CUL4A: variants seen among roughly 807,000 people sequenced by gnomAD.
The protein encoded by CUL4A is cullin-4A.
A neutral mutation model predicts 95.5 loss-of-function variants in CUL4A; 16 were observed. The ratio of observed to expected loss-of-function variants is 0.17; its 90% CI spans 0.11 to 0.25. CUL4A has a LOEUF of 0.25. Ranked by LOEUF, CUL4A falls within the 10% of genes least tolerant of loss-of-function variation. The pLI, the probability that CUL4A is intolerant of heterozygous loss-of-function variation, is 1.00. For missense variants in CUL4A, 610 were observed against 937.0 expected (o/e 0.65, Z 4.56); for synonymous variants, 380 against 353.1 (o/e 1.08, Z -0.85).
At chr13:113,232,154 G>GTCACCACCACCCGCCCACCACCATTA (rs1566343441) in intron 5 of CUL4A, among the ~76,000 whole-genome samples, 1 of 15,768 alleles carries the variant, frequency 6.3e-5, no homozygotes, top group Non-Finnish European at 1.3e-4. Context: ...CACCATTACT[G>GTCACCACCACCCGCCCACCACCATTA]CTGCCACCAC....
intron 15 of CUL4A, among the ~76,000 whole-genome samples, chr13:113,250,698 C>G (rs1464900988): frequency 6.6e-6 from 1 of 152,010 alleles, no homozygotes; most frequent in African/African-American, 2.4e-5. Context: ...CATGGTACTT[C>G]TCAAGGCAAA....
chr13:113,213,503 C>G (rs998580164), intron 2 of CUL4A, among the ~76,000 whole-genome samples: 2 of 152,058 alleles, frequency 1.3e-5, no homozygotes. Context: ...CCCACCTGAA[C>G]TCTCAGAGGT....
intron 3 of CUL4A, among the ~76,000 whole-genome samples, chr13:113,220,132 T>C (rs1220336819): frequency 6.6e-6 from 1 of 152,218 alleles, no homozygotes; most frequent in Non-Finnish European, 1.5e-5. Flanking sequence ...TCCCTGATCT[T>C]GGGAAACTAA....
rs2042390465 is a variant in CUL4A, at chr13:113,265,948, G to A, written c.*2366G>A. ...TGTGACTGAAGAAAGAATTCACCAA[G>A]TTAACCAGACACAAAATTAACAAAA... is the stretch of plus-strand genomic sequence containing the variant. On this transcript the variant is annotated 3_prime_UTR_variant, in exon 20 of 20. Coordinates refer to ENST00000375440, the MANE Select transcript of CUL4A (RefSeq NM_001008895.4). The A allele has an allele frequency of 1.3e-5, 2 of 152,170 alleles. No homozygotes were observed. 9.4% of individuals were successfully genotyped at this position (152,170 alleles called of 1,614,324 possible). A position where few individuals can be genotyped will look rare whatever the true frequency, so the allele number is the denominator to read the frequency against.
At chr13:113,209,506 C>CGGGCG (rs531800883), upstream of CUL4A, 11,687 of 522,242 alleles carry the variant, frequency 0.022, 318 homozygotes, top group East Asian at 0.21. Flanking sequence ...CTCGGGCACG[C>CGGGCG]GGGCGGGGCG....
intron 3 of CUL4A, among the ~76,000 whole-genome samples, chr13:113,225,544 C>G (rs1419392660): frequency 6.6e-6 from 1 of 152,250 alleles, no homozygotes; most frequent in Non-Finnish European, 1.5e-5. Flanking sequence ...GGAACTCTGT[C>G]TTCACAACAC....
intron 10 of CUL4A, among the ~76,000 whole-genome samples, chr13:113,240,744 G>T (rs1231950018): frequency 6.6e-6 from 1 of 152,154 alleles, no homozygotes; most frequent in Non-Finnish European, 1.5e-5. Context: ...AAGGCCCCAG[G>T]AGGTAGCCTT....
At chr13:113,219,454 C>G (rs543954793) in intron 3 of CUL4A, 1 of 163,766 alleles carries the variant, frequency 6.1e-6, no homozygotes, top group Admixed American at 6.1e-5. Context: ...GGATTCTATG[C>G]TCAGTCTCAC....
chr13:113,208,440 C>A, upstream of CUL4A: 2 of 1,508,570 alleles, frequency 1.3e-6, no homozygotes, highest in Non-Finnish European at 1.8e-6. Context: ...GAGTCCCGGC[C>A]GCCGCTGTTC....
At chr13:113,246,992 C>G (rs1360990196) in intron 15 of CUL4A, among the ~76,000 whole-genome samples, 1 of 152,128 alleles carries the variant, frequency 6.6e-6, no homozygotes, top group Non-Finnish European at 1.5e-5. Context: ...GTTCTGCAGG[C>G]TATACAAGCA....
At position 113,209,990 on chromosome 13, in the gene CUL4A, G is replaced by C. The variant is rs1310264241; in HGVS notation, c.166G>C (p.Asp56His). The change falls in exon 2 of 20, where the codon GAC (aspartate) becomes CAC (histidine). Residue 56 changes from aspartate to histidine, a missense_variant. Around this residue, in one of 10 missense-constraint regions of CUL4A, gnomAD observed 168 missense variants for 185.5 expected, o/e 0.91. Transcript: ENST00000375440. ...KNFRDRPRLP[D>H]NYTQDTWRKL... ...CCCTGCAGACAGACCTCGGCTGCCC[G>C]ACAACTACACGCAGGACACGTGGCG... 2.0e-6 allele frequency: 3 copies of C among 1,514,788 alleles called. No homozygotes were observed. The highest frequency in any genetic ancestry group is 2.8e-5 in the East Asian group (1 of 35,934). The allele number at this position is 1,514,788 out of a possible 1,614,324, so 93.8% of individuals were successfully genotyped here.
intron 10 of CUL4A, among the ~76,000 whole-genome samples, chr13:113,242,663 G>T (rs2041749892): frequency 6.6e-6 from 1 of 152,162 alleles, no homozygotes; most frequent in South Asian, 2.1e-4. Flanking sequence ...GCCTGAGCCT[G>T]TAGCACCAGC....
intron 14 of CUL4A, among the ~76,000 whole-genome samples, chr13:113,245,517 T>C (rs1243548155): frequency 6.6e-6 from 1 of 152,174 alleles, no homozygotes; most frequent in Non-Finnish European, 1.5e-5. Flanking sequence ...ACCACTGCGC[T>C]CCAGCCTGGG....
upstream of CUL4A, chr13:113,209,485 C>T: frequency 3.1e-6 from 1 of 320,198 alleles, no homozygotes; most frequent in Non-Finnish European, 4.3e-6. Context: ...CCGGGCGCGG[C>T]GGCGGTTGGG....
At chr13:113,241,470 C>G (rs1308097902) in intron 10 of CUL4A, among the ~76,000 whole-genome samples, 1 of 151,868 alleles carries the variant, frequency 6.6e-6, no homozygotes, top group Non-Finnish European at 1.5e-5. Context: ...TAGCCACACA[C>G]CGCCCCTCTC....
At chr13:113,208,683 C>T, upstream of CUL4A, 2 of 1,568,336 alleles carry the variant, frequency 1.3e-6, no homozygotes, top group Non-Finnish European at 1.7e-6. Context: ...TCAAGCGGGC[C>T]AGCTGGCGTC....
At chr13:113,231,560 T>G (rs2041310764) in intron 5 of CUL4A, among the ~76,000 whole-genome samples, 1 of 152,158 alleles carries the variant, frequency 6.6e-6, no homozygotes, top group African/African-American at 2.4e-5. Flanking sequence ...AGTGGAGACC[T>G]AAGCCTTCCT....
At chr13:113,229,357 G>T in intron 4 of CUL4A, 89 bp from the exon 5 acceptor site, 3 of 1,063,256 alleles carry the variant, frequency 2.8e-6, no homozygotes, top group Non-Finnish European at 4.3e-6. Context: ...TGTTGGATTT[G>T]AGACAGCTAG....
chr13:113,208,456 G>T (rs966092469), upstream of CUL4A: 12 of 1,523,562 alleles, frequency 7.9e-6, no homozygotes, highest in Non-Finnish European at 1.1e-5. Flanking sequence ...TGTTCGGCTC[G>T]CGCGGCTGCC....
Sources: allele counts gnomAD v4.1 joint callset (sites outside exome capture counted in the v4.1 genomes callset), GRCh38; gene constraint gnomAD v4.1.1; regional missense constraint gnomAD v4.1.1; transcripts MANE v1.5; gene names NCBI Gene and HGNC (gene_info 2026-07-23, HGNC 2026-07-21).